NKTR: variants seen among roughly 807,000 people sequenced by gnomAD.
The protein encoded by NKTR is NK-tumor recognition protein.
NKTR carries 67 observed loss-of-function variants against 156.3 expected under a neutral mutation model. The observed-to-expected ratio is 0.43, with a 90% CI of 0.35 to 0.53. NKTR has a LOEUF of 0.53. Ranked by LOEUF, NKTR falls within the 20% of genes least tolerant of loss-of-function variation. NKTR has a pLI of 0.01. For synonymous variants in NKTR, 640 were observed against 596.6 expected, an observed-to-expected ratio of 1.07 and a Z score of -1.06; for missense variants, 1,604 against 1,730.9, an observed-to-expected ratio of 0.93 and a Z score of 1.30.
chr3:42,602,627 TC>T (rs1466856981), intron 2 of NKTR: 1 of 113,266 alleles, frequency 8.8e-6, no homozygotes, highest in African/African-American at 5.2e-5. Flanking sequence ...CCTTGATTGA[TC>T]TTTTTTTTTT....
At chr3:42,633,483 C>T (rs1459091919) in intron 9 of NKTR, 97 bp from the exon 10 acceptor site, 4 of 1,495,382 alleles carry the variant, frequency 2.7e-6, no homozygotes, top group Admixed American at 2.3e-5. Flanking sequence ...TGTAAGCTAT[C>T]GTTAATTATG....
intron 6 of NKTR, chr3:42,628,450 T>G: frequency 4.1e-6 from 4 of 985,432 alleles, no homozygotes; most frequent in Non-Finnish European, 4.8e-6. Context: ...TGGAATGTTT[T>G]ATTCCACCAT....
chr3:42,617,590 C>A lies in NKTR; in HGVS notation c.79C>A (p.Leu27Ile). ...REPVGRIMFQ[L>I]FSDICPKTCK... Reference sequence around the variant, plus strand: ...TTCAGTTGGTCGCATTATGTTTCAGCTCTTCTCAGACATATGTCCAAAAAC... The same window carrying A: ...TTCAGTTGGTCGCATTATGTTTCAGATCTTCTCAGACATATGTCCAAAAAC... Residue 27 changes from leucine to isoleucine, a missense_variant, in exon 3 of 17, where the codon CTC becomes ATC. Coordinates refer to ENST00000232978, the MANE Select transcript of NKTR (RefSeq NM_005385.4). 1 of 1,600,246 alleles carries A rather than the reference C, an allele frequency of 6.2e-7. No homozygotes were observed. Among genetic ancestry groups the A allele is most frequent in the Non-Finnish European group, 8.6e-7 (1 of 1,167,866 alleles).
At chr3:42,607,140 A>C (rs1027521268) in intron 2 of NKTR, among the ~76,000 whole-genome samples, 1 of 152,224 alleles carries the variant, frequency 6.6e-6, no homozygotes, top group Non-Finnish European at 1.5e-5. Context: ...TTTCTGTCAC[A>C]CAGCACTCAG....
At chr3:42,631,149 T>C (rs1577530736) in intron 7 of NKTR, 22 bp from the exon 8 acceptor site, 1 of 1,611,888 alleles carries the variant, frequency 6.2e-7, no homozygotes, top group African/African-American at 1.3e-5. Context: ...ACCAGTTGTT[T>C]CTTGAATTTG....
chr3:42,637,919 A>T lies in NKTR; in HGVS notation c.2215A>T (p.Ser739Cys), dbSNP rs368088541. The change falls in exon 13 of 17, where the codon AGT (serine) becomes TGT (cysteine). Residue 739 changes from serine to cysteine, a missense_variant. Ser to Cys is a moderately radical substitution (Grantham distance 112). Coordinates refer to ENST00000232978, the MANE Select transcript of NKTR (RefSeq NM_005385.4). ...RNKYSDHSQC[S>C]RSSSYTSISS... ...TAAATACAGTGATCATTCACAGTGTAGTAGATCATCTTCATATACTTCTAT... is the reference window on the plus strand; with the variant it reads ...TAAATACAGTGATCATTCACAGTGTTGTAGATCATCTTCATATACTTCTAT... The T allele has an allele frequency of 1.2e-6, 2 of 1,613,968 alleles. No individual in the cohort carries two copies. The highest frequency in any genetic ancestry group is 4.5e-5 in the East Asian group (2 of 44,884).
rs74904548 is a variant in NKTR, at chr3:42,619,882, A to C, written c.286+174A>C. 3.5e-4 allele frequency: 491 copies of C among 1,412,962 alleles called. No individual in the cohort carries two copies. The African/African-American group carries it at 6.3e-3, about 18-fold the overall frequency. 87.5% of individuals were successfully genotyped at this position (1,412,962 alleles called of 1,614,324 possible). A position where few individuals can be genotyped will look rare whatever the true frequency, so the allele number is the denominator to read the frequency against. On this transcript the variant is annotated intron_variant, in intron 5 of 16. Coordinates refer to ENST00000232978, the MANE Select transcript of NKTR (RefSeq NM_005385.4). Reference sequence around the variant, plus strand: ...GGGATAAATTATATTGTAATATATAATTTTTAATTGACAAGATTAATTAAG... The same window carrying C: ...GGGATAAATTATATTGTAATATATACTTTTTAATTGACAAGATTAATTAAG...
intron 2 of NKTR, among the ~76,000 whole-genome samples, chr3:42,616,251 A>G (rs1368908118): frequency 1.3e-5 from 2 of 152,242 alleles, no homozygotes; most frequent in African/African-American, 4.8e-5. Context: ...GAATAAATAA[A>G]AAGGTTTACA....
intron 2 of NKTR, among the ~76,000 whole-genome samples, chr3:42,605,176 T>A (rs1299740991): frequency 6.6e-6 from 1 of 152,222 alleles, no homozygotes; most frequent in East Asian, 1.9e-4. Flanking sequence ...TATAGTTACT[T>A]CCGTTTTATT....
chr3:42,615,082 CT>C (rs11409067), intron 2 of NKTR, among the ~76,000 whole-genome samples: 209 of 143,324 alleles, frequency 1.5e-3, no homozygotes, highest in Middle Eastern at 3.6e-3. Flanking sequence ...TTTGTTTTTT[CT>C]TTTTTTTTTT....
rs1559574413 is a variant in NKTR at position 42,630,600 on chromosome 3, T to TG, written c.404+29dup. ...GGTAAGAGTTACATTCTTACTACAT[T>TG]GGGGAAGTGTTTGGGTGGCCAGCCA... On this transcript the variant is annotated intron_variant, in intron 7 of 16. Transcript: ENST00000232978. 5 of 1,613,382 alleles carry TG rather than the reference T, an allele frequency of 3.1e-6. No homozygotes were observed. The Admixed American group carries it at 8.3e-5, about 27-fold the overall frequency.
chr3:42,600,671 C>T (rs190057555), upstream of NKTR: 831 of 200,036 alleles, frequency 4.2e-3, 7 homozygotes, highest in African/African-American at 0.018. Context: ...TTGGGAGGCC[C>T]GGCCTGGGGG....
At chr3:42,641,518 C>G (rs1224356954) in intron 13 of NKTR, among the ~76,000 whole-genome samples, 1 of 152,038 alleles carries the variant, frequency 6.6e-6, no homozygotes, top group African/African-American at 2.4e-5. Flanking sequence ...AAGTATTAGA[C>G]ATAAAAAATG....
At chr3:42,627,406 A>G (rs1708486505) in intron 6 of NKTR, 7 of 985,200 alleles carry the variant, frequency 7.1e-6, no homozygotes, top group Non-Finnish European at 8.4e-6. Flanking sequence ...ACTATATTTT[A>G]ACTTCAGTGG....
intron 2 of NKTR, chr3:42,601,920 T>C (rs538089505): frequency 6.6e-6 from 1 of 152,264 alleles, no homozygotes; most frequent in Admixed American, 6.5e-5. Context: ...TTATATTCTA[T>C]TGGGGGGAAG....
At chr3:42,618,027 G>A (rs1707545892) in intron 3 of NKTR, among the ~76,000 whole-genome samples, 1 of 151,976 alleles carries the variant, frequency 6.6e-6, no homozygotes, top group South Asian at 2.1e-4. Flanking sequence ...AAAAAATGGG[G>A]AGGGAAACAT....
intron 6 of NKTR, 111 bp from the exon 7 acceptor site, chr3:42,630,435 C>T (rs1282299560): frequency 6.4e-7 from 1 of 1,556,414 alleles, no homozygotes; most frequent in Admixed American, 1.9e-5. Flanking sequence ...TTTCCCCTAT[C>T]TTTTTATCTT....
rs1705408625 is a variant in NKTR, at chr3:42,601,212, G to A, written c.58+148G>A. 6.3e-5 allele frequency: 37 copies of A among 591,056 alleles called. No individual in the cohort carries two copies. The South Asian group carries it at 8.0e-4, about 13-fold the overall frequency. 36.6% of individuals were successfully genotyped at this position (591,056 alleles called of 1,614,324 possible). A position where few individuals can be genotyped will look rare whatever the true frequency, so the allele number is the denominator to read the frequency against. On this transcript the variant is annotated intron_variant, in intron 2 of 16. Transcript: ENST00000232978. ...CGTTTTCTCTTGAGAGAAAATCAGT[G>A]GGAGAGGAAGGTGGCCTGGGCACAC... is the stretch of plus-strand genomic sequence containing the variant.
chr3:42,631,421 T>C, intron 8 of NKTR, 105 bp downstream of exon 8: 3 of 1,284,318 alleles, frequency 2.3e-6, no homozygotes, highest in Non-Finnish European at 3.2e-6. Flanking sequence ...CAATAGCCCT[T>C]GGTGCCCCTG....
Sources: allele counts gnomAD v4.1 joint callset (sites outside exome capture counted in the v4.1 genomes callset), GRCh38; gene constraint gnomAD v4.1.1; transcripts MANE v1.5; gene names NCBI Gene and HGNC (gene_info 2026-07-23, HGNC 2026-07-21).